ITCH: variants seen among roughly 807,000 people sequenced by gnomAD.
ITCH encodes itchy E3 ubiquitin protein ligase, also known as E3 ubiquitin-protein ligase Itchy homolog.
A neutral mutation model predicts 126.8 loss-of-function variants in ITCH; 28 were observed. That is an observed-to-expected ratio of 0.22 (90% CI 0.16 to 0.30). The LOEUF (loss-of-function observed/expected upper bound fraction) is 0.30, where lower values mean the gene tolerates loss of function less well. ITCH is among the 10% of genes least tolerant of loss of function. The probability of loss-of-function intolerance (pLI) is 1.00; values close to 1 mark genes in which losing one functional copy is unlikely to be tolerated. For missense variants in ITCH, 631 were observed against 1,032.4 expected (o/e 0.61, Z 5.33); for synonymous variants, 342 against 340.0 (o/e 1.01, Z -0.06).
chr20:34,480,471 G>T (rs140375998), intron 18 of ITCH, 128 bp from the exon 19 acceptor site: 15 of 1,113,912 alleles, frequency 1.3e-5, no homozygotes, highest in East Asian at 2.5e-5. Context: ...CAGATTGCTG[G>T]GATTACAGGC....
At chr20:34,433,309 G>C (rs1982575775) in intron 7 of ITCH, among the ~76,000 whole-genome samples, 1 of 152,150 alleles carries the variant, frequency 6.6e-6, no homozygotes, top group South Asian at 2.1e-4. Flanking sequence ...AAACAAACAA[G>C]CAACCAGTAT....
At chr20:34,475,025 G>A (rs957212833) in intron 16 of ITCH, among the ~76,000 whole-genome samples, 3 of 150,778 alleles carry the variant, frequency 2.0e-5, no homozygotes, top group African/African-American at 4.9e-5. Context: ...ACGGGGCGGC[G>A]GGGCAGAGGC....
At chr20:34,476,312 C>G (rs538549105) in intron 16 of ITCH, 4 of 1,045,594 alleles carry the variant, frequency 3.8e-6, no homozygotes, top group African/African-American at 1.6e-5. Flanking sequence ...CCTGCCGACA[C>G]GCTCAGCGGC....
chr20:34,417,261 TA>T, intron 6 of ITCH: 1 of 547,482 alleles, frequency 1.8e-6, no homozygotes, highest in South Asian at 2.0e-5. Context: ...CACGCCTGGC[TA>T]ATTTTGTATT....
At chr20:34,400,312 C>T (rs867418289) in intron 3 of ITCH, among the ~76,000 whole-genome samples, 14 of 152,234 alleles carry the variant, frequency 9.2e-5, no homozygotes, top group African/African-American at 2.6e-4. Flanking sequence ...TCAAGTGATG[C>T]TCCCAGCCTT....
At chr20:34,472,876 A>G (rs982488562) in intron 16 of ITCH, among the ~76,000 whole-genome samples, 5 of 152,252 alleles carry the variant, frequency 3.3e-5, no homozygotes, top group African/African-American at 1.2e-4. Context: ...GTCCTTGCCC[A>G]TTTCTAATTT....
intron 23 of ITCH, among the ~76,000 whole-genome samples, chr20:34,500,836 C>T (rs1465595936): frequency 2.6e-5 from 4 of 152,060 alleles, no homozygotes; most frequent in Non-Finnish European, 5.9e-5. Context: ...TGTATCTGCT[C>T]TACCAGAGTG....
At chr20:34,453,792 G>A (rs560784839) in intron 12 of ITCH, among the ~76,000 whole-genome samples, 6 of 152,100 alleles carry the variant, frequency 3.9e-5, no homozygotes, top group Admixed American at 1.3e-4. Context: ...TCAGGAGTTC[G>A]TGATCAGCCT....
intron 10 of ITCH, among the ~76,000 whole-genome samples, chr20:34,442,554 T>C (rs939860685): frequency 6.6e-6 from 1 of 152,172 alleles, no homozygotes; most frequent in African/African-American, 2.4e-5. Context: ...CATCTCGCTA[T>C]GTCGCCCAGG....
At chr20:34,473,073 C>T (rs116141307) in intron 16 of ITCH, among the ~76,000 whole-genome samples, 86 of 152,226 alleles carry the variant, frequency 5.6e-4, no homozygotes, top group African/African-American at 2.0e-3. Context: ...AAAGCTGTCA[C>T]CCTAGATTTG....
In ITCH at chr20:34,510,970, C is replaced by G. The variant is rs570226583; in HGVS notation, c.*3176C>G. On this transcript the variant is annotated 3_prime_UTR_variant, in exon 25 of 25. Coordinates refer to ENST00000374864, the MANE Select transcript of ITCH (RefSeq NM_031483.7). Reference sequence around the variant, plus strand: ...GTCAAGCCCACTCTACCACTTTTTACTTATCTGGTTAATAATCCGAAATGT... The same window carrying G: ...GTCAAGCCCACTCTACCACTTTTTAGTTATCTGGTTAATAATCCGAAATGT... The G allele has an allele frequency of 2.0e-5, 3 of 152,286 alleles. No individual in the cohort carries two copies. Among genetic ancestry groups the G allele is most frequent in the African/African-American group, 7.2e-5 (3 of 41,564 alleles). 9.4% of individuals were successfully genotyped at this position (152,286 alleles called of 1,614,324 possible).
intron 2 of ITCH, 82 bp from the exon 3 acceptor site, chr20:34,393,709 A>G: frequency 3.5e-6 from 3 of 856,524 alleles, no homozygotes; most frequent in East Asian, 4.8e-5. Context: ...GTCTTCAGTA[A>G]TAAATAGCCA....
At chr20:34,397,726 G>C (rs1484738860) in intron 3 of ITCH, among the ~76,000 whole-genome samples, 6 of 151,752 alleles carry the variant, frequency 4.0e-5, no homozygotes, top group Non-Finnish European at 7.4e-5. Context: ...CCAGATTCCA[G>C]TTTTTTTTCC....
intron 3 of ITCH, among the ~76,000 whole-genome samples, chr20:34,398,595 C>T (rs1380576210): frequency 6.6e-6 from 1 of 151,766 alleles, no homozygotes; most frequent in African/African-American, 2.4e-5. Flanking sequence ...AACGGGTTTT[C>T]ACCATGTTGG....
intron 12 of ITCH, among the ~76,000 whole-genome samples, chr20:34,452,261 C>T (rs1215294971): frequency 6.6e-6 from 1 of 152,112 alleles, no homozygotes; most frequent in Non-Finnish European, 1.5e-5. Context: ...TCCTTGCCTT[C>T]TGTATTCATC....
At chr20:34,429,230 A>T (rs922470685) in intron 7 of ITCH, among the ~76,000 whole-genome samples, 8 of 152,066 alleles carry the variant, frequency 5.3e-5, no homozygotes, top group Non-Finnish European at 1.0e-4. Flanking sequence ...GTGAGCCACC[A>T]TGCCCAGCCA....
At chr20:34,466,211 T>C (rs1987046427) in intron 14 of ITCH, 1 of 343,934 alleles carries the variant, frequency 2.9e-6, no homozygotes, top group African/African-American at 2.2e-5. Context: ...GTTAATGTGG[T>C]ATATTATGTT....
chr20:34,454,566 A>G (rs1031515541), intron 12 of ITCH: 7 of 151,962 alleles, frequency 4.6e-5, no homozygotes, highest in African/African-American at 1.5e-4. Flanking sequence ...TTGGAATTCT[A>G]TTTTCATTTT....
intron 2 of ITCH, among the ~76,000 whole-genome samples, chr20:34,393,542 G>C (rs1268104681): frequency 6.6e-6 from 1 of 152,108 alleles, no homozygotes; most frequent in African/African-American, 2.4e-5. Context: ...TGTGTGGTAG[G>C]ACACAAACCT....
Sources: gnomAD v4.1 joint callset for allele counts (sites outside exome capture counted in the v4.1 genomes callset) on GRCh38, gnomAD v4.1.1 for gene constraint, MANE v1.5 for transcripts, NCBI Gene and HGNC (gene_info 2026-07-23, HGNC 2026-07-21) for gene names.